The following SRI variants were observed in gnomAD, a reference collection of about 807,000 sequenced individuals.
The protein encoded by SRI is 22 kDa protein.
In SRI, 30 loss-of-function variants were observed where a neutral mutation model predicts 33.3. The observed-to-expected ratio is 0.90, with a 90% confidence interval of 0.67 to 1.22. SRI has a LOEUF of 1.22. Ranked by LOEUF, SRI falls within the 50% of genes most tolerant of loss-of-function variation. The pLI is 0.00. For missense variants in SRI, 243 were observed against 250.8 expected (o/e 0.97, Z 0.21); for synonymous variants, 75 against 89.9 (o/e 0.83, Z 0.94).
rs371874036 is a variant in SRI, at chr7:88,206,551, C to T, written c.571-47G>A. On this transcript the variant is annotated intron_variant, in intron 7 of 7. Transcript: ENST00000265729. ...TATGACAGACCTCAAAGCACTTATA[C>T]GGCACAGCCTATTTCTGGCAGCTTA... 8.0e-5 allele frequency: 128 copies of T among 1,607,536 alleles called. 1 individual carries two copies. The highest frequency in any genetic ancestry group is 4.8e-4 in the South Asian group (44 of 90,958).
chr7:88,222,370 G>A (rs1851907406), upstream of SRI, among the ~76,000 whole-genome samples: 1 of 146,192 alleles, frequency 6.8e-6, no homozygotes, highest in African/African-American at 2.6e-5. Context: ...ACTTTTTAAT[G>A]ATTGCCATTC....
upstream of SRI, among the ~76,000 whole-genome samples, chr7:88,221,062 C>T (rs1447686047): frequency 6.6e-6 from 1 of 152,146 alleles, no homozygotes; most frequent in East Asian, 1.9e-4. Context: ...TGAATTTTAA[C>T]GTATTGAGAA....
Position 88,209,149 on chromosome 7 carries a change from C to A in SRI, c.511+190G>T, listed in dbSNP as rs939002806. 17 of 442,722 alleles carry A rather than the reference C, an allele frequency of 3.8e-5. 1 individual carries two copies. The highest frequency in any genetic ancestry group is 6.9e-5 in the Non-Finnish European group (17 of 248,080). 27.4% of individuals were successfully genotyped at this position (442,722 alleles called of 1,614,324 possible). A position where few individuals can be genotyped will look rare whatever the true frequency, so the allele number is the denominator to read the frequency against. On this transcript the variant is annotated intron_variant, in intron 6 of 7. Coordinates refer to ENST00000265729, the MANE Select transcript of SRI (RefSeq NM_003130.4). ...GTTTATTTTAATGGCAGATTACTTA[C>A]TAATCTAAAATAAATTCTGGAAAAA... is the stretch of plus-strand genomic sequence containing the variant.
chr7:88,217,176 CATCT>C lies in SRI; in HGVS notation c.147_150del (p.Ile49MetfsTer9). On this transcript the variant is annotated frameshift_variant, in exon 3 of 8. Coordinates refer to ENST00000265729, the MANE Select transcript of SRI (RefSeq NM_003130.4). LOFTEE classifies it high-confidence loss of function. ...GTCAGACATCTCTGCAATTCATCAG[CATCT>C]ATCTGCCCATCCTTTTGAAAAAAAA... 1 of 1,612,762 alleles carries C rather than the reference CATCT, an allele frequency of 6.2e-7. No individual in the cohort carries two copies.
At chr7:88,222,107 G>A (rs1230212733), upstream of SRI, among the ~76,000 whole-genome samples, 1 of 133,258 alleles carries the variant, frequency 7.5e-6, no homozygotes, top group Non-Finnish European at 1.6e-5. Context: ...ATTTGGGTTG[G>A]TTCCAAGTCT....
At chr7:88,208,805 A>G (rs1314231875) in intron 6 of SRI, 6 of 526,248 alleles carry the variant, frequency 1.1e-5, no homozygotes, top group Non-Finnish European at 2.0e-5. Context: ...GTTTTTTTAG[A>G]TCTGGAGAAA....
chr7:88,218,933 C>G lies in SRI; in HGVS notation c.61G>C (p.Ala21Pro), dbSNP rs573724652. ...GGYYPGGYGG[A>P]PGGPAFPGQT... ...CCGGGAAACGCAGGCCCTCCGGGAG[C>G]CCCTCCATACTGTGAAACAGGAAAC... is the stretch of plus-strand genomic sequence containing the variant. The change falls in exon 2 of 8, where the codon GCT becomes CCT. Residue 21 changes from alanine (A) to proline (P), a missense_variant. Coordinates refer to ENST00000265729, the MANE Select transcript of SRI (RefSeq NM_003130.4). The G allele has an allele frequency of 1.7e-5, 28 of 1,613,862 alleles. No individual in the cohort carries two copies. The South Asian group carries it at 2.6e-4, about 15-fold the overall frequency.
rs1445187283 is a variant in SRI at position 88,210,901 on chromosome 7, A to T, written c.230T>A (p.Leu77His). ...YKPFNLETCR[L>H]MVSMLDRDMS... ...GGATACATCCAGCATTGAAACCATA[A>T]GCCGGCAAGTCTCCAGGTTAAAAGC... The change falls in exon 4 of 8, where the codon CTT (leucine) becomes CAT (histidine). Residue 77 changes from leucine to histidine, a missense_variant. By Grantham distance (99) the Leu-to-His change is moderately conservative. Transcript: ENST00000265729. 6.2e-7 allele frequency: 1 copy of T among 1,613,666 alleles called. No homozygotes were observed. Among genetic ancestry groups the T allele is most frequent in the Non-Finnish European group, 8.5e-7 (1 of 1,179,752 alleles).
chr7:88,213,853 CAA>C (rs992991102), intron 3 of SRI, among the ~76,000 whole-genome samples: 1 of 152,018 alleles, frequency 6.6e-6, no homozygotes, highest in Non-Finnish European at 1.5e-5. Context: ...AATCTTAAAT[CAA>C]AAAGCCAATA....
chr7:88,214,094 G>A (rs1392806755), intron 3 of SRI, among the ~76,000 whole-genome samples: 2 of 152,176 alleles, frequency 1.3e-5, no homozygotes, highest in Non-Finnish European at 2.9e-5. Flanking sequence ...GGGCCAGAAA[G>A]TACCAGAAGG....
intron 3 of SRI, chr7:88,216,751 T>C (rs1484596093): frequency 5.1e-6 from 1 of 197,882 alleles, no homozygotes; most frequent in African/African-American, 2.4e-5. Context: ...ATCCACTAGA[T>C]TGGCAGGTAG....
At chr7:88,217,563 C>A (rs960659072) in intron 2 of SRI, among the ~76,000 whole-genome samples, 9 of 152,116 alleles carry the variant, frequency 5.9e-5, no homozygotes, top group African/African-American at 1.9e-4. Flanking sequence ...CCTCCTTGGT[C>A]ACTTTTTCTT....
chr7:88,215,216 A>G (rs1851678383), intron 3 of SRI, among the ~76,000 whole-genome samples: 1 of 152,210 alleles, frequency 6.6e-6, no homozygotes, highest in East Asian at 1.9e-4. Context: ...CGGCCACCAG[A>G]GAGTAGGCAA....
intron 6 of SRI, 142 bp from the exon 7 acceptor site, chr7:88,208,707 CAAAGA>C (rs1449894845): frequency 5.6e-6 from 7 of 1,240,816 alleles, no homozygotes; most frequent in Non-Finnish European, 6.7e-6. Context: ...AAGACCAAAG[CAAAGA>C]AGCCAACTAT....
intron 3 of SRI, among the ~76,000 whole-genome samples, chr7:88,213,296 T>TA (rs1336733581): frequency 6.6e-6 from 1 of 152,048 alleles, no homozygotes; most frequent in East Asian, 1.9e-4. Flanking sequence ...GCTCTCAGGA[T>TA]AAAGTCCAAG....
At chr7:88,214,314 A>G (rs1050442486) in intron 3 of SRI, among the ~76,000 whole-genome samples, 7 of 152,180 alleles carry the variant, frequency 4.6e-5, no homozygotes, top group Non-Finnish European at 8.8e-5. Flanking sequence ...GTACAAAAGG[A>G]GTGGGAGAAA....
chr7:88,225,933 A>G (rs1317018823), intron 1 of SRI, among the ~76,000 whole-genome samples: 3 of 152,214 alleles, frequency 2.0e-5, no homozygotes, highest in Admixed American at 2.0e-4. Context: ...AGCTAAAGGG[A>G]GGTCAAGAAA....
upstream of SRI, among the ~76,000 whole-genome samples, chr7:88,221,443 T>C (rs1357054747): frequency 6.6e-6 from 1 of 152,206 alleles, no homozygotes; most frequent in Non-Finnish European, 1.5e-5. Flanking sequence ...ATGAGACATC[T>C]AATGAGTCCC....
rs886085011 is a variant in SRI at position 88,205,458 on chromosome 7, A to G, written c.*1020T>C. The G allele has an allele frequency of 6.6e-6, 1 of 152,266 alleles. No homozygotes were observed. The highest frequency in any genetic ancestry group is 2.4e-5 in the African/African-American group (1 of 41,480). 9.4% of individuals were successfully genotyped at this position (152,266 alleles called of 1,614,324 possible). A position where few individuals can be genotyped will look rare whatever the true frequency, so the allele number is the denominator to read the frequency against. On this transcript the variant is annotated 3_prime_UTR_variant, in exon 8 of 8. Coordinates refer to ENST00000265729, the MANE Select transcript of SRI (RefSeq NM_003130.4). ...ATAGTAAGAGGCACAAGCCAGCATT[A>G]GAATTCAGATCTTACTTGAAAGTGT...
Sources: allele counts gnomAD v4.1 joint callset (sites outside exome capture counted in the v4.1 genomes callset), GRCh38; gene constraint gnomAD v4.1.1; transcripts MANE v1.5; gene names NCBI Gene and HGNC (gene_info 2026-07-23, HGNC 2026-07-21).